The following TIAM2 variants were observed in gnomAD, a reference collection of about 807,000 sequenced individuals.
The protein encoded by TIAM2 is TIAM Rac1 associated GEF 2.
A neutral mutation model predicts 152.9 loss-of-function variants in TIAM2; 80 were observed. The ratio of observed to expected loss-of-function variants is 0.52; its 90% CI spans 0.44 to 0.63. The LOEUF is 0.63. Among genes scored for constraint, TIAM2 ranks in the 30% least tolerant of loss-of-function variants. The pLI, the probability that TIAM2 is intolerant of heterozygous loss-of-function variation, is 0.00. For missense variants in TIAM2, 1,965 were observed against 2,120.1 expected, an observed-to-expected ratio of 0.93 and a Z score of 1.44; for synonymous variants, 804 against 838.0, an observed-to-expected ratio of 0.96 and a Z score of 0.70.
rs752016066 is a variant in TIAM2 at position 155,176,898 on chromosome 6, AC to A, written c.2445del (p.Gln817ArgfsTer8). 6.2e-7 allele frequency: 1 copy of A among 1,613,996 alleles called. No individual in the cohort carries two copies. Among genetic ancestry groups the A allele is most frequent in the African/African-American group, 1.3e-5 (1 of 74,926 alleles). On this transcript the variant is annotated frameshift_variant, in exon 10 of 27. Transcript: ENST00000682666. LOFTEE classifies it high-confidence loss of function. ...DNAWEIQTYV[H>X]FQDNHGVTVG... ...GCATGGGAAATCCAGACTTATGTCC[AC>A]TTTCAGGACAATCACGGAGTTACTG...
intron 2 of TIAM2, among the ~76,000 whole-genome samples, chr6:155,097,994 T>C (rs1562314975): frequency 6.6e-6 from 1 of 152,222 alleles, no homozygotes; most frequent in Admixed American, 6.5e-5. Context: ...CTGGATTCTC[T>C]GTTCTGTTCT....
At chr6:155,002,485 A>G (rs548929832) in intron 1 of TIAM2, among the ~76,000 whole-genome samples, 3 of 152,076 alleles carry the variant, frequency 2.0e-5, no homozygotes, top group Non-Finnish European at 4.4e-5. Context: ...AGTGTTTTCT[A>G]TTTCTTTCTG....
Position 155,246,069 on chromosome 6 carries a change from GTTTT to G in TIAM2, c.3652+348_3652+351del, listed in dbSNP as rs112578629. On this transcript the variant is annotated intron_variant, in intron 19 of 26. Coordinates refer to ENST00000682666, the MANE Select transcript of TIAM2 (RefSeq NM_012454.4). ...AGTAGAAAGAAATGCATGCTATGGT[GTTTT>G]TTTTTTTTTCCTTGTTAATCTTCTT... is the stretch of plus-strand genomic sequence containing the variant. Among the ~76,000 whole-genome samples the G allele has an allele frequency of 1.9e-3, 277 of 142,382 alleles. 1 individual carries two copies. Among genetic ancestry groups the G allele is most frequent in the Non-Finnish European group, 2.1e-3 (135 of 64,714 alleles). The allele number at this position is 142,382 out of a possible 152,430, so 93.4% of individuals were successfully genotyped here.
chr6:155,230,480 G>A (rs1782424911), intron 15 of TIAM2, among the ~76,000 whole-genome samples: 1 of 152,082 alleles, frequency 6.6e-6, no homozygotes, highest in African/African-American at 2.4e-5. Context: ...CCCCACTTTC[G>A]GCACTGGTCA....
At chr6:155,114,702 C>A (rs1162019179) in intron 2 of TIAM2, among the ~76,000 whole-genome samples, 5 of 152,070 alleles carry the variant, frequency 3.3e-5, no homozygotes, top group African/African-American at 1.2e-4. Context: ...ACCTCTTCAT[C>A]CCCAGCCACG....
In TIAM2 at chr6:155,257,464, TA is replaced by T. The variant is rs1784139297; in HGVS notation, c.*347del. On this transcript the variant is annotated 3_prime_UTR_variant, in exon 27 of 27. Coordinates refer to ENST00000682666, the MANE Select transcript of TIAM2 (RefSeq NM_012454.4). ...TAATAGTTTTCAAAGGGCCATTTTT[TA>T]AAATCCTCTGGGCATTTTCTTTCAG... 3 of 340,062 alleles carry T rather than the reference TA, an allele frequency of 8.8e-6. No homozygotes were observed. The highest frequency in any genetic ancestry group is 6.9e-5 in the East Asian group (1 of 14,398). 21.1% of individuals were successfully genotyped at this position (340,062 alleles called of 1,614,324 possible).
At chr6:155,172,686 ATTTTTTTTTT>A (rs113165280) in intron 9 of TIAM2, among the ~76,000 whole-genome samples, 29 of 19,620 alleles carry the variant, frequency 1.5e-3, no homozygotes, top group Admixed American at 4.4e-3. Flanking sequence ...ATATATATAT[ATTTTTTTTTT>A]TTTTTTTTTT....
At chr6:155,095,682 C>G (rs530370095) in intron 2 of TIAM2, among the ~76,000 whole-genome samples, 1 of 152,164 alleles carries the variant, frequency 6.6e-6, no homozygotes, top group Non-Finnish European at 1.5e-5. Context: ...AGATAGATGA[C>G]CTCTCTGGTC....
In TIAM2 at chr6:155,252,583, G is replaced by A. The variant is rs147704741; in HGVS notation, c.4120-365G>A. 1.7e-3 allele frequency among the ~76,000 whole-genome samples: 266 copies of A among 152,296 alleles called. 1 individual carries two copies. The highest frequency in any genetic ancestry group is 6.3e-3 in the African/African-American group (260 of 41,568). The stretch of plus-strand genomic sequence containing the variant: ...TGTTTGTTCCATAAACATAGTCTGT[G>A]AAACTTTGGTTTATTTTCAAATGCC... On this transcript the variant is annotated intron_variant, in intron 23 of 26. Transcript: ENST00000682666.
At chr6:155,029,481 T>TA (rs1776762894) in intron 1 of TIAM2, among the ~76,000 whole-genome samples, 1 of 3,800 alleles carries the variant, frequency 2.6e-4, no homozygotes, top group Non-Finnish European at 4.2e-4. Context: ...CTATAGTATA[T>TA]ATACTATAGT....
chr6:155,086,903 G>C (rs1778182950), intron 1 of TIAM2, among the ~76,000 whole-genome samples: 1 of 152,176 alleles, frequency 6.6e-6, no homozygotes, highest in Non-Finnish European at 1.5e-5. Context: ...AAGGAATTGT[G>C]TCAGGCACCA....
chr6:155,082,625 G>C (rs1047061990), intron 1 of TIAM2, among the ~76,000 whole-genome samples: 12 of 149,514 alleles, frequency 8.0e-5, no homozygotes, highest in Admixed American at 6.0e-4. Context: ...ACTCCGGCCT[G>C]GGCAACAAGA....
intron 1 of TIAM2, among the ~76,000 whole-genome samples, chr6:155,033,951 A>C (rs1776871495): frequency 6.6e-6 from 1 of 151,846 alleles, no homozygotes; most frequent in South Asian, 2.1e-4. Flanking sequence ...TCCTGACCTC[A>C]GGTTATCTGC....
chr6:155,148,339 T>C lies in TIAM2; in HGVS notation c.2028+5T>C, dbSNP rs1779866110. On this transcript the variant is annotated splice_donor_5th_base_variant and intron_variant, in intron 7 of 26. Transcript: ENST00000682666. ...AGGAAAGCCATAGAGAACCAGGTACTGTTTGTCTACACCTGAGTTTTCTTC... is the reference window on the plus strand; with the variant it reads ...AGGAAAGCCATAGAGAACCAGGTACCGTTTGTCTACACCTGAGTTTTCTTC... 3 of 1,609,786 alleles carry C rather than the reference T, an allele frequency of 1.9e-6. No homozygotes were observed. The highest frequency in any genetic ancestry group is 2.7e-5 in the African/African-American group (2 of 74,816).
chr6:155,086,438 G>A (rs934397968), intron 1 of TIAM2, among the ~76,000 whole-genome samples: 38 of 152,254 alleles, frequency 2.5e-4, no homozygotes, highest in African/African-American at 8.4e-4. Flanking sequence ...CGGGCACGGC[G>A]ACTTACACCT....
chr6:155,168,557 C>G (rs1354365193), intron 9 of TIAM2, among the ~76,000 whole-genome samples: 2 of 151,954 alleles, frequency 1.3e-5, no homozygotes, highest in Non-Finnish European at 2.9e-5. Context: ...AGGTTTCACT[C>G]TTTTGGCCAG....
chr6:154,997,785 C>T (rs769934407), intron 1 of TIAM2, among the ~76,000 whole-genome samples: 3 of 151,448 alleles, frequency 2.0e-5, no homozygotes, highest in Admixed American at 6.6e-5. Flanking sequence ...ACTACAGACG[C>T]GTGCCACCAC....
chr6:155,153,333 A>G (rs1394959551), intron 7 of TIAM2, among the ~76,000 whole-genome samples: 6 of 152,030 alleles, frequency 3.9e-5, no homozygotes, highest in African/African-American at 1.4e-4. Context: ...TTGTCCAGGC[A>G]CGGTGACTCA....
chr6:155,039,914 G>A (rs1297944851), intron 1 of TIAM2, among the ~76,000 whole-genome samples: 1 of 152,178 alleles, frequency 6.6e-6, no homozygotes, highest in African/African-American at 2.4e-5. Context: ...GCCTAGGCAC[G>A]GAAAATGGTT....
Sources: gnomAD v4.1 joint callset for allele counts (sites outside exome capture counted in the v4.1 genomes callset) on GRCh38, gnomAD v4.1.1 for gene constraint, MANE v1.5 for transcripts, NCBI Gene and HGNC (gene_info 2026-07-23, HGNC 2026-07-21) for gene names.